The following LYZL4 variants were observed in gnomAD, a reference collection of about 807,000 sequenced individuals.
LYZL4 encodes lysozyme-like protein 4.
In LYZL4, 13 loss-of-function variants were observed where a neutral mutation model predicts 17.6. The observed-to-expected ratio is 0.74, with a 90% CI of 0.48 to 1.18. The LOEUF is 1.18. Ranked by LOEUF, LYZL4 falls within the 50% of genes most tolerant of loss-of-function variation. LYZL4 has a pLI of 0.00. For missense variants in LYZL4, 174 were observed against 188.2 expected, an observed-to-expected ratio of 0.92 and a Z score of 0.44; for synonymous variants, 64 against 67.7, an observed-to-expected ratio of 0.95 and a Z score of 0.27.
At chr3:42,397,605 T>C (rs932362690) in intron 4 of LYZL4, among the ~76,000 whole-genome samples, 2 of 152,150 alleles carry the variant, frequency 1.3e-5, no homozygotes, top group African/African-American at 4.8e-5. Context: ...ATGAGGAGGC[T>C]GAACTGTGAA....
rs749233530 is a variant in LYZL4 at position 42,407,352 on chromosome 3, G to A, written c.-92-9C>T. 39 of 1,516,664 alleles carry A rather than the reference G, an allele frequency of 2.6e-5. No individual in the cohort carries two copies. Among genetic ancestry groups the A allele is most frequent in the East Asian group, 2.3e-4 (10 of 43,930 alleles). The allele number at this position is 1,516,664 out of a possible 1,614,324, so 94.0% of individuals were successfully genotyped here. On this transcript the variant is annotated splice_polypyrimidine_tract_variant and intron_variant, in intron 1 of 4. Transcript: ENST00000287748. ...GAAGGGAAAGAAGGGCACTGTGGGGGTGGGGGTGGAGCACAGTTCAGTGTC... is the reference window on the plus strand; with the variant it reads ...GAAGGGAAAGAAGGGCACTGTGGGGATGGGGGTGGAGCACAGTTCAGTGTC...
At chr3:42,373,170 C>G in the LYZL4 span, among the ~76,000 whole-genome samples, 2 of 152,128 alleles carry the variant, frequency 1.3e-5, no homozygotes, top group African/African-American at 4.8e-5. Context: ...GAGATTGCAC[C>G]ACTGCACTCC....
intron 4 of LYZL4, among the ~76,000 whole-genome samples, chr3:42,398,810 A>G (rs1404099213): frequency 1.3e-5 from 2 of 152,316 alleles, no homozygotes; most frequent in Non-Finnish European, 2.9e-5. Flanking sequence ...GAGATTTCAC[A>G]TAAATCTAGA....
downstream of LYZL4, among the ~76,000 whole-genome samples, chr3:42,396,324 G>T (rs1046448744): frequency 6.6e-6 from 1 of 152,178 alleles, no homozygotes. Context: ...GACCTGCTGA[G>T]CAGATACCTG....
the LYZL4 span, among the ~76,000 whole-genome samples, chr3:42,390,541 A>T: frequency 7.3e-6 from 1 of 136,780 alleles, no homozygotes; most frequent in African/African-American, 2.9e-5. Context: ...TGGCAGGAGC[A>T]GCTATTTTTT....
chr3:42,383,156 A>G, the LYZL4 span, among the ~76,000 whole-genome samples: 4 of 152,190 alleles, frequency 2.6e-5, no homozygotes, highest in South Asian at 8.3e-4. Context: ...GGGCAGGAGT[A>G]TTATACTGAA....
At chr3:42,396,615 C>A (rs1176507315), downstream of LYZL4, among the ~76,000 whole-genome samples, 1 of 152,186 alleles carries the variant, frequency 6.6e-6, no homozygotes, top group African/African-American at 2.4e-5. Context: ...GCAGGAAATG[C>A]AACCAAAACA....
the LYZL4 span, among the ~76,000 whole-genome samples, chr3:42,361,082 C>G: frequency 6.6e-6 from 1 of 152,194 alleles, no homozygotes; most frequent in Non-Finnish European, 1.5e-5. Context: ...ATTCCACCTC[C>G]CATGAGCAAC....
the LYZL4 span, among the ~76,000 whole-genome samples, chr3:42,388,832 TA>T: frequency 6.6e-6 from 1 of 152,048 alleles, no homozygotes; most frequent in Non-Finnish European, 1.5e-5. Flanking sequence ...CAATAGATAA[TA>T]AAAACATTTT....
the LYZL4 span, among the ~76,000 whole-genome samples, chr3:42,366,951 G>C: frequency 6.6e-6 from 1 of 152,296 alleles, no homozygotes; most frequent in East Asian, 1.9e-4. Context: ...TCTGGTACAG[G>C]GCTGTGCTTA....
At chr3:42,372,238 A>T in the LYZL4 span, among the ~76,000 whole-genome samples, 1 of 152,222 alleles carries the variant, frequency 6.6e-6, no homozygotes, top group Non-Finnish European at 1.5e-5. Flanking sequence ...AAAGATTCGA[A>T]TTCAAATCCT....
chr3:42,379,123 G>C, the LYZL4 span, among the ~76,000 whole-genome samples: 17 of 152,164 alleles, frequency 1.1e-4, no homozygotes, highest in Non-Finnish European at 2.4e-4. Context: ...ACAAGTCTGT[G>C]ATTTGGCAGG....
chr3:42,372,790 T>C, the LYZL4 span, among the ~76,000 whole-genome samples: 1 of 152,176 alleles, frequency 6.6e-6, no homozygotes, highest in Non-Finnish European at 1.5e-5. Context: ...CTGCTGGCAA[T>C]TGACATATGG....
chr3:42,384,665 A>G, the LYZL4 span, among the ~76,000 whole-genome samples: 1 of 152,242 alleles, frequency 6.6e-6, no homozygotes, highest in African/African-American at 2.4e-5. Flanking sequence ...CTGTTCAGGA[A>G]AAAGAAGTTA....
At chr3:42,369,028 CT>C in the LYZL4 span, among the ~76,000 whole-genome samples, 55 of 152,310 alleles carry the variant, frequency 3.6e-4, no homozygotes, top group African/African-American at 1.3e-3. Flanking sequence ...TAATGAAAAG[CT>C]TAAATCCCCA....
chr3:42,390,493 C>G, the LYZL4 span, among the ~76,000 whole-genome samples: 4 of 152,030 alleles, frequency 2.6e-5, no homozygotes, highest in African/African-American at 9.7e-5. Context: ...TAACTGGACA[C>G]TTTGTGGCAG....
chr3:42,404,156 C>A, intron 3 of LYZL4, 32 bp from the exon 4 acceptor site: 1 of 1,441,194 alleles, frequency 6.9e-7, no homozygotes, highest in Non-Finnish European at 9.8e-7. Flanking sequence ...AGATACCATG[C>A]TGCCATATGA....
intron 1 of LYZL4, among the ~76,000 whole-genome samples, chr3:42,409,494 A>G (rs371891574): frequency 6.6e-6 from 1 of 152,200 alleles, no homozygotes; most frequent in Non-Finnish European, 1.5e-5. Context: ...CAGGGCAGGC[A>G]TCATCTCAAC....
the LYZL4 span, among the ~76,000 whole-genome samples, chr3:42,381,126 G>A: frequency 5.3e-5 from 8 of 152,196 alleles, no homozygotes; most frequent in African/African-American, 1.4e-4. Flanking sequence ...TGCAGACATG[G>A]GAGAGAAAGA....
Sources: allele counts gnomAD v4.1 joint callset (sites outside exome capture counted in the v4.1 genomes callset), GRCh38; gene constraint gnomAD v4.1.1; transcripts MANE v1.5; gene names NCBI Gene and HGNC (gene_info 2026-07-23, HGNC 2026-07-21).